Variants in PHKB observed in about 807,000 individuals in gnomAD.
PHKB encodes phosphorylase b kinase regulatory subunit beta.
In PHKB, 122 loss-of-function variants were observed where a neutral mutation model predicts 152.1. That is an observed-to-expected ratio of 0.80 (90% confidence interval 0.69 to 0.93). PHKB has a LOEUF of 0.93. Among genes scored for constraint, PHKB ranks in the 40% least tolerant of loss-of-function variants. PHKB has a pLI of 0.00. For synonymous variants in PHKB, 436 were observed against 464.9 expected (o/e 0.94, Z 0.80); for missense variants, 1,304 against 1,328.4 (o/e 0.98, Z 0.29).
At chr16:47,657,079 C>G (rs915879057) in intron 20 of PHKB, among the ~76,000 whole-genome samples, 2 of 152,100 alleles carry the variant, frequency 1.3e-5, no homozygotes, top group Non-Finnish European at 2.9e-5. Flanking sequence ...TTTCTCCTTT[C>G]ATTGTCCTTC....
intron 20 of PHKB, 130 bp from the exon 21 acceptor site, chr16:47,660,376 C>G (rs1973418390): frequency 2.8e-6 from 2 of 725,142 alleles, no homozygotes; most frequent in South Asian, 3.2e-5. Flanking sequence ...TTAAGAATTG[C>G]TTCAGAATTG....
intron 25 of PHKB, among the ~76,000 whole-genome samples, chr16:47,666,806 C>A (rs1282509899): frequency 1.3e-5 from 2 of 152,158 alleles, no homozygotes; most frequent in Admixed American, 1.3e-4. Flanking sequence ...TACTCATTTT[C>A]TGTTTTGTTT....
intron 6 of PHKB, among the ~76,000 whole-genome samples, chr16:47,522,671 G>A (rs1474930128): frequency 6.6e-6 from 1 of 150,822 alleles, no homozygotes; most frequent in African/African-American, 2.4e-5. Context: ...TAAAATACAG[G>A]CATTTTCAAT....
intron 6 of PHKB, among the ~76,000 whole-genome samples, chr16:47,539,373 T>A (rs2091227146): frequency 6.6e-6 from 1 of 152,134 alleles, no homozygotes; most frequent in African/African-American, 2.4e-5. Context: ...ACTTTTTTTT[T>A]AATATCTAAA....
intron 5 of PHKB, among the ~76,000 whole-genome samples, chr16:47,514,615 G>T (rs573286067): frequency 6.6e-6 from 1 of 152,170 alleles, no homozygotes; most frequent in Admixed American, 6.5e-5. Flanking sequence ...GCCAACTCAC[G>T]TGCCAGCTTC....
intron 14 of PHKB, among the ~76,000 whole-genome samples, chr16:47,614,577 A>G (rs759890612): frequency 4.6e-5 from 7 of 152,350 alleles, no homozygotes; most frequent in Non-Finnish European, 1.0e-4. Context: ...GTATACATAC[A>G]TAAGTTATCA....
intron 6 of PHKB, among the ~76,000 whole-genome samples, chr16:47,517,402 C>T (rs1454740438): frequency 6.6e-6 from 1 of 151,776 alleles, no homozygotes; most frequent in African/African-American, 2.4e-5. Flanking sequence ...ACTGCAGATG[C>T]ACACCACCAT....
chr16:47,567,761 T>G (rs1567309414), intron 7 of PHKB, among the ~76,000 whole-genome samples: 1 of 152,234 alleles, frequency 6.6e-6, no homozygotes, highest in Admixed American at 6.5e-5. Flanking sequence ...GATGCTGGAT[T>G]TTATCGAATG....
intron 14 of PHKB, among the ~76,000 whole-genome samples, chr16:47,626,406 A>C (rs980462150): frequency 6.6e-6 from 1 of 152,318 alleles, no homozygotes; most frequent in African/African-American, 2.4e-5. Flanking sequence ...CATTTAGATG[A>C]GCATCAAGTG....
intron 26 of PHKB, among the ~76,000 whole-genome samples, chr16:47,688,097 G>T (rs917343874): frequency 6.6e-6 from 1 of 152,194 alleles, no homozygotes; most frequent in Non-Finnish European, 1.5e-5. Flanking sequence ...GAAAGAGAAG[G>T]CGTGGGGGAG....
intron 1 of PHKB, among the ~76,000 whole-genome samples, chr16:47,488,714 A>G (rs543813996): frequency 9.9e-5 from 15 of 152,240 alleles, no homozygotes; most frequent in East Asian, 7.7e-4. Context: ...CATTTCCCCA[A>G]TGCTTGTTTT....
intron 26 of PHKB, among the ~76,000 whole-genome samples, chr16:47,672,611 C>G (rs1973656220): frequency 6.6e-6 from 1 of 152,086 alleles, no homozygotes; most frequent in Non-Finnish European, 1.5e-5. Context: ...TGAAGGTAAA[C>G]AGTTTCCCAA....
At chr16:47,663,312 G>A (rs1322940172) in intron 23 of PHKB, among the ~76,000 whole-genome samples, 1 of 152,074 alleles carries the variant, frequency 6.6e-6, no homozygotes, top group Non-Finnish European at 1.5e-5. Flanking sequence ...ATATATATTA[G>A]AGTCTACAGT....
At chr16:47,499,450 C>G (rs1348672381) in intron 2 of PHKB, among the ~76,000 whole-genome samples, 1 of 152,130 alleles carries the variant, frequency 6.6e-6, no homozygotes, top group Non-Finnish European at 1.5e-5. Context: ...TCCCTCTGTA[C>G]CTGATGTTGT....
intron 1 of PHKB, among the ~76,000 whole-genome samples, chr16:47,480,414 G>T (rs985300124): frequency 1.3e-5 from 2 of 152,128 alleles, no homozygotes; most frequent in Non-Finnish European, 2.9e-5. Flanking sequence ...GAGAACAATA[G>T]TATTAAACAC....
Position 47,698,499 on chromosome 16 carries a change from C to T in PHKB, c.3055C>T (p.Gln1019Ter). 1 of 1,607,614 alleles carries T rather than the reference C, an allele frequency of 6.2e-7. No individual in the cohort carries two copies. The highest frequency in any genetic ancestry group is 8.5e-7 in the Non-Finnish European group (1 of 1,176,014). The change falls in exon 30 of 31, where the codon CAA (glutamine) becomes TAA (stop). Residue 1019 changes from glutamine to a stop codon, truncating the protein, a stop_gained. Transcript: ENST00000323584. LOFTEE classifies it high-confidence loss of function. ...GGAAAGAAACCCCGAGCTAGAATTTCAAGACAAAGTAGATCTAGACAGACT... is the reference window on the plus strand; with the variant it reads ...GGAAAGAAACCCCGAGCTAGAATTTTAAGACAAAGTAGATCTAGACAGACT... ...VLERNPELEF[Q>*]DKVDLDRLVK...
rs71380327 is a variant in PHKB, at chr16:47,537,902, C to CTCTCTT, written c.595-9530_595-9529insCTCTTT. On this transcript the variant is annotated intron_variant, in intron 6 of 30. Coordinates refer to ENST00000323584, the MANE Select transcript of PHKB (RefSeq NM_000293.3). ...TCTCTCTCTCTCTCTCTCTCTCTCTCTTTTTAAGTTGAGGCAAGGTCTCTC... is the reference window on the plus strand; with the variant it reads ...TCTCTCTCTCTCTCTCTCTCTCTCTCTCTCTTTTTTTAAGTTGAGGCAAGGTCTCTC... 7.3e-3 allele frequency among the ~76,000 whole-genome samples: 1,086 copies of CTCTCTT among 149,270 alleles called. 12 individuals carry two copies. The highest frequency in any genetic ancestry group is 0.024 in the African/African-American group (969 of 39,608).
At chr16:47,585,470 A>G (rs1214445375) in intron 8 of PHKB, among the ~76,000 whole-genome samples, 1 of 152,224 alleles carries the variant, frequency 6.6e-6, no homozygotes, top group African/African-American at 2.4e-5. Flanking sequence ...TATTTAAAGT[A>G]GGTGATAATT....
chr16:47,689,089 C>A lies in PHKB; in HGVS notation c.2679C>A (p.Asp893Glu), dbSNP rs750180335. The A allele has an allele frequency of 2.5e-6, 4 of 1,613,966 alleles. No homozygotes were observed. The highest frequency in any genetic ancestry group is 3.3e-4 in the Middle Eastern group (2 of 6,060). Residue 893 changes from aspartate (D) to glutamate (E), a missense_variant, in exon 27 of 31, where the codon GAC (aspartate) becomes GAA (glutamate). Asp to Glu is a conservative substitution (Grantham distance 45, BLOSUM62 2). Transcript: ENST00000323584. ...ATGAACTTCAGATCCGTGGCGGAGACAAGCCAGCCTTGGACTTGTATCAGC... is the reference window on the plus strand; with the variant it reads ...ATGAACTTCAGATCCGTGGCGGAGAAAAGCCAGCCTTGGACTTGTATCAGC... ...MEYELQIRGG[D>E]KPALDLYQLS... is the part of the protein sequence containing the mutation.
Sources: allele counts gnomAD v4.1 joint callset (sites outside exome capture counted in the v4.1 genomes callset), GRCh38; gene constraint gnomAD v4.1.1; transcripts MANE v1.5; gene names NCBI Gene and HGNC (gene_info 2026-07-23, HGNC 2026-07-21).